Variants in WDR45 observed in about 807,000 individuals in gnomAD.
WDR45 encodes the protein WD repeat domain phosphoinositide-interacting protein 4.
Under a neutral mutation model 27.3 loss-of-function variants are expected in WDR45, and 2 were observed. The observed-to-expected ratio is 0.07, with a 90% CI of 0.03 to 0.23. The LOEUF is 0.23. Ranked by LOEUF, WDR45 falls within the 10% of genes least tolerant of loss-of-function variation. The probability of loss-of-function intolerance (pLI) is 1.00; values close to 1 mark genes in which losing one functional copy is unlikely to be tolerated. For synonymous variants in WDR45, 99 were observed against 119.2 expected (o/e 0.83, Z 1.11); for missense variants, 175 against 311.9 (o/e 0.56, Z 3.31).
chrX:49,091,350 A>G (rs1213775316), intron 2 of WDR45, among the ~76,000 whole-genome samples: 1 of 111,647 alleles, frequency 9.0e-6, no homozygotes, highest in Non-Finnish European at 1.9e-5. Flanking sequence ...CTGAGGCAAG[A>G]GAATCACTTG....
chrX:49,087,585 G>A (rs1462271599), intron 2 of WDR45, among the ~76,000 whole-genome samples: 3 of 112,108 alleles, frequency 2.7e-5, no homozygotes, highest in African/African-American at 9.7e-5. Flanking sequence ...ATAAAGAAGA[G>A]GTTCTAGGAC....
At chrX:49,076,404 A>G in intron 6 of WDR45, 26 bp downstream of exon 6, 1 of 1,200,363 alleles carries the variant, frequency 8.3e-7, no homozygotes, top group South Asian at 1.8e-5. Context: ...TCATGCCCTT[A>G]CACCTGTGTA....
upstream of WDR45, among the ~76,000 whole-genome samples, chrX:49,080,998 A>G (rs1165134155): frequency 9.8e-6 from 1 of 102,018 alleles, no homozygotes; most frequent in Non-Finnish European, 2.0e-5. Flanking sequence ...CCCGGGTTCA[A>G]GGGATTCTTC....
At chrX:49,087,638 A>G (rs1383657314) in intron 2 of WDR45, among the ~76,000 whole-genome samples, 4 of 112,696 alleles carry the variant, frequency 3.5e-5, no homozygotes, top group Non-Finnish European at 7.5e-5. Context: ...CAGGGGAACC[A>G]GGAGGAACTA....
chrX:49,077,031 T>C lies in WDR45; in HGVS notation c.236-281A>G, dbSNP rs782759121. On this transcript the variant is annotated intron_variant, in intron 4 of 10. Coordinates refer to ENST00000376372, the MANE Select transcript of WDR45 (RefSeq NM_001029896.2). ...AGCTCATCAGCAACCAAACAGGGAC[T>C]CACACTCAGGCCTGTAACTTCCCCT... is the stretch of plus-strand genomic sequence containing the variant. The C allele has an allele frequency of 7.1e-5, 24 of 336,682 alleles. 1 individual carries two copies. Among genetic ancestry groups the C allele is most frequent in the Admixed American group, 1.0e-4 (2 of 19,364 alleles). The allele number at this position is 336,682 out of a possible 1,213,427, so 27.7% of individuals were successfully genotyped here.
intron 2 of WDR45, among the ~76,000 whole-genome samples, chrX:49,089,521 C>T (rs782795445): frequency 5.1e-4 from 56 of 109,559 alleles, no homozygotes; most frequent in African/African-American, 1.7e-3. Flanking sequence ...CTGCCTCCTA[C>T]GTAGCTGGAA....
In WDR45 at chrX:49,075,955, G is replaced by A. The variant is rs1271314662; in HGVS notation, c.437-10C>T. ...CAGAGGTCACAGAGCCCTAGGGTGTGAAGATGGGGGGTGGGGTGGGCGGCT... is the reference window on the plus strand; with the variant it reads ...CAGAGGTCACAGAGCCCTAGGGTGTAAAGATGGGGGGTGGGGTGGGCGGCT... On this transcript the variant is annotated splice_polypyrimidine_tract_variant and intron_variant, in intron 6 of 10. Coordinates refer to ENST00000376372, the MANE Select transcript of WDR45 (RefSeq NM_001029896.2). The A allele has an allele frequency of 1.8e-5, 21 of 1,194,554 alleles. No individual in the cohort carries two copies. Among genetic ancestry groups the A allele is most frequent in the Non-Finnish European group, 2.4e-5 (21 of 883,043 alleles).
upstream of WDR45, among the ~76,000 whole-genome samples, chrX:49,082,418 T>A (rs782494137): frequency 1.8e-5 from 2 of 111,487 alleles, no homozygotes; most frequent in African/African-American, 6.5e-5. Context: ...AATTCCCATG[T>A]ATATATTTAC....
intron 3 of WDR45, 21 bp downstream of exon 3, chrX:49,077,816 C>T: frequency 8.3e-6 from 10 of 1,210,772 alleles, no homozygotes; most frequent in Non-Finnish European, 1.1e-5. Context: ...GCCCATTGCC[C>T]CTCCCCTGCC....
At chrX:49,076,918 C>A in intron 4 of WDR45, 168 bp from the exon 5 acceptor site, 1 of 460,231 alleles carries the variant, frequency 2.2e-6, no homozygotes, top group Non-Finnish European at 3.9e-6. Flanking sequence ...GATATGATCC[C>A]TGAGAGGAGT....
chrX:49,075,249 A>G lies in WDR45; in HGVS notation c.860T>C (p.Ile287Thr), dbSNP rs1557083903. ...LARVGKVGPM[I>T]GQYVDSQWSL... ...CCACTGAGAGTCCACGTACTGCCCA[A>G]TCATAGGCCCCACCTTGCCCACGCG... The change falls in exon 10 of 11, where the codon ATT (isoleucine) becomes ACT (threonine). Residue 287 changes from isoleucine to threonine, a missense_variant. Transcript: ENST00000376372. The G allele has an allele frequency of 8.3e-7, 1 of 1,211,429 alleles. No homozygotes were observed. The highest frequency in any genetic ancestry group is 1.7e-5 in the African/African-American group (1 of 57,818).
chrX:49,076,445 G>C lies in WDR45; in HGVS notation c.421C>G (p.Arg141Gly), dbSNP rs373717091. ...GCCCTCTCACCCTTGGGGTTGTCCC[G>C]GGTATCAAACTCAAACAGCTTTCGG... ...NPRKLFEFDT[R>G]DNPKGLCDLC... Residue 141 changes from arginine (R) to glycine (G), a missense_variant, in exon 6 of 11, where the codon CGG becomes GGG. Transcript: ENST00000376372. 1 of 1,210,310 alleles carries C rather than the reference G, an allele frequency of 8.3e-7. No individual in the cohort carries two copies. Among genetic ancestry groups the C allele is most frequent in the African/African-American group, 1.7e-5 (1 of 57,377 alleles).
chrX:49,092,377 T>TA (rs1557086799), intron 2 of WDR45, among the ~76,000 whole-genome samples: 1 of 108,924 alleles, frequency 9.2e-6, no homozygotes, highest in East Asian at 2.9e-4. Context: ...TCAAAACAAA[T>TA]ACCTAACACT....
upstream of WDR45, among the ~76,000 whole-genome samples, chrX:49,081,230 C>T (rs1308966375): frequency 1.0e-5 from 1 of 99,550 alleles, no homozygotes; most frequent in African/African-American, 3.5e-5. Context: ...TTAAACTTTA[C>T]ATTAAGAAAT....
At chrX:49,087,537 A>G (rs1178554521) in intron 2 of WDR45, among the ~76,000 whole-genome samples, 5 of 111,731 alleles carry the variant, frequency 4.5e-5, no homozygotes, top group Non-Finnish European at 3.8e-5. Flanking sequence ...ATAAATAAAT[A>G]AAATGAAATG....
intron 2 of WDR45, among the ~76,000 whole-genome samples, chrX:49,091,118 C>T (rs913589492): frequency 9.1e-6 from 1 of 110,400 alleles, no homozygotes; most frequent in Admixed American, 9.7e-5. Flanking sequence ...CCACTGCGCC[C>T]GGCTTCCAAT....
chrX:49,078,223 C>CA, intron 1 of WDR45, 111 bp from the exon 2 acceptor site: 1 of 758,755 alleles, frequency 1.3e-6, no homozygotes, highest in Non-Finnish European at 1.9e-6. Flanking sequence ...GGAGTGACTG[C>CA]AAAAAAGATA....
chrX:49,097,759 C>T (rs1557087548), intron 2 of WDR45, among the ~76,000 whole-genome samples: 1 of 107,996 alleles, frequency 9.3e-6, no homozygotes, highest in East Asian at 2.9e-4. Context: ...CAGGTTCAAG[C>T]GATTCTCCTG....
chrX:49,076,960 G>C (rs1180726977), intron 4 of WDR45: 13 of 410,456 alleles, frequency 3.2e-5, no homozygotes, highest in Non-Finnish European at 5.1e-5. Flanking sequence ...CTACAGATGA[G>C]GAAACTGAGG....
Sources: allele counts gnomAD v4.1 joint callset (sites outside exome capture counted in the v4.1 genomes callset), GRCh38; gene constraint gnomAD v4.1.1; transcripts MANE v1.5; gene names NCBI Gene and HGNC (gene_info 2026-07-23, HGNC 2026-07-21).